Variants in USP3 observed in about 807,000 individuals in gnomAD.
USP3 encodes the protein ubiquitin specific peptidase 3.
Under a neutral mutation model 72.3 loss-of-function variants are expected in USP3, and 20 were observed. That is an observed-to-expected ratio of 0.28 (90% confidence interval 0.19 to 0.40). USP3 has a LOEUF of 0.40. Ranked by LOEUF, USP3 falls within the 10% of genes least tolerant of loss-of-function variation. The probability of loss-of-function intolerance (pLI) is 1.00; values close to 1 mark genes in which losing one functional copy is unlikely to be tolerated. For missense variants in USP3, 479 were observed against 633.9 expected (o/e 0.76, Z 2.62); for synonymous variants, 222 against 225.3 (o/e 0.99, Z 0.13).
chr15:63,528,743 A>T lies in USP3; in HGVS notation c.92-3904A>T, dbSNP rs760491969. ...ATAAATTGAAACTACCTTTTATAATAAGATAGTCCCCCTAAAGGTGATTAA... is the reference window on the plus strand; with the variant it reads ...ATAAATTGAAACTACCTTTTATAATTAGATAGTCCCCCTAAAGGTGATTAA... On this transcript the variant is annotated intron_variant, in intron 1 of 14. Transcript: ENST00000380324. This position sits in a 1 kb window ranked among gnomAD's most constrained non-coding sequence, Gnocchi z 4.3. 6.6e-5 allele frequency among the ~76,000 whole-genome samples: 10 copies of T among 152,202 alleles called. No homozygotes were observed. Among genetic ancestry groups the T allele is most frequent in the Non-Finnish European group, 1.0e-4 (7 of 68,030 alleles).
Position 63,574,239 on chromosome 15 carries a change from T to C in USP3, c.1016-84T>C. 1 of 1,421,430 alleles carries C rather than the reference T, an allele frequency of 7.0e-7. No individual in the cohort carries two copies. Among genetic ancestry groups the C allele is most frequent in the Non-Finnish European group, 9.4e-7 (1 of 1,064,600 alleles). 88.1% of individuals were successfully genotyped at this position (1,421,430 alleles called of 1,614,324 possible). ...CAAAAAATAAGTGTAAAGAGAAATC[T>C]AGAAATACATCAGTTTGTGAAATTA... On this transcript the variant is annotated intron_variant, in intron 10 of 14. Transcript: ENST00000380324. This position sits in a 1 kb window ranked among gnomAD's most constrained non-coding sequence, Gnocchi z 4.6.
At chr15:63,569,294 AAAT>A (rs1287888012) in intron 8 of USP3, among the ~76,000 whole-genome samples, 6 of 152,230 alleles carry the variant, frequency 3.9e-5, no homozygotes, top group Non-Finnish European at 8.8e-5. Flanking sequence ...GCCTTAGAAG[AAAT>A]ACTTGAACAC....
intron 4 of USP3, 185 bp from the exon 5 acceptor site, chr15:63,556,482 G>T: frequency 2.2e-6 from 1 of 461,368 alleles, no homozygotes. Flanking sequence ...GGAGCAATGG[G>T]GATTTCCAAG....
chr15:63,516,339 T>C (rs1457009186), intron 1 of USP3, among the ~76,000 whole-genome samples: 1 of 152,246 alleles, frequency 6.6e-6, no homozygotes, highest in Non-Finnish European at 1.5e-5. Flanking sequence ...GGACAGTTTT[T>C]ATCGTGTGAT....
chr15:63,584,163 T>C (rs1475842884), intron 11 of USP3, among the ~76,000 whole-genome samples: 1 of 146,810 alleles, frequency 6.8e-6, no homozygotes, highest in Non-Finnish European at 1.5e-5. Context: ...AGTGGCATGA[T>C]CTCAGCTCGC....
intron 6 of USP3, among the ~76,000 whole-genome samples, chr15:63,558,883 A>G (rs2066557117): frequency 6.6e-6 from 1 of 152,132 alleles, no homozygotes; most frequent in Non-Finnish European, 1.5e-5. Context: ...TCAAAAATAA[A>G]TAAATTAATT....
In USP3 at chr15:63,592,759, CT is replaced by C. The variant is rs34923651; in HGVS notation, c.*1946del. On this transcript the variant is annotated 3_prime_UTR_variant, in exon 15 of 15. Coordinates refer to ENST00000380324, the MANE Select transcript of USP3 (RefSeq NM_006537.4). ...CCTGTTCTATTAAAAACATCTTGAC[CT>C]TTTTTTTTTTTTAAGTTTATGATAT... 42,071 of 145,830 alleles carry C rather than the reference CT, an allele frequency of 0.29. 6,515 individuals carry two copies. The highest frequency in any genetic ancestry group is 0.41 in the Middle Eastern group (117 of 286). The allele number at this position is 145,830 out of a possible 1,614,324, so 9.0% of individuals were successfully genotyped here.
chr15:63,504,711 C>G lies in USP3; in HGVS notation c.-29C>G. On this transcript the variant is annotated 5_prime_UTR_variant, in exon 1 of 15. Coordinates refer to ENST00000380324, the MANE Select transcript of USP3 (RefSeq NM_006537.4). ...CCCACCTCGCCGGGTCCTGGAGCCG[C>G]AGTCCTCCCAGCTGCCCTCCTCGTG... is the stretch of plus-strand genomic sequence containing the variant. 6.3e-7 allele frequency: 1 copy of G among 1,575,654 alleles called. No homozygotes were observed. Among genetic ancestry groups the G allele is most frequent in the Non-Finnish European group, 8.6e-7 (1 of 1,159,358 alleles).
At chr15:63,516,870 G>A (rs1458769632) in intron 1 of USP3, among the ~76,000 whole-genome samples, 1 of 150,258 alleles carries the variant, frequency 6.7e-6, no homozygotes, top group South Asian at 2.1e-4. Flanking sequence ...ACATTTTTTT[G>A]TACTATAAAT....
Position 63,588,872 on chromosome 15 carries a change from T to G in USP3, c.1329+57T>G. 2 of 1,610,070 alleles carry G rather than the reference T, an allele frequency of 1.2e-6. No individual in the cohort carries two copies. The highest frequency in any genetic ancestry group is 1.1e-5 in the South Asian group (1 of 90,966). On this transcript the variant is annotated intron_variant, in intron 13 of 14. Coordinates refer to ENST00000380324, the MANE Select transcript of USP3 (RefSeq NM_006537.4). The surrounding 1 kb of genome is among the most constrained non-coding windows in gnomAD (Gnocchi z 4.6). ...AAATGGCTCTTCAGTAAGATTGTCA[T>G]CACATGGAGAGGGTAGAGGTCATCG...
rs181592527 is a variant in USP3 at position 63,550,006 on chromosome 15, C to G, written c.285-3709C>G. On this transcript the variant is annotated intron_variant, in intron 3 of 14. Transcript: ENST00000380324. ...GATTTAGAGCATTTGTGCATATGTA[C>G]TGAACAATTTTTGGGTCTTTTTGAG... Among the ~76,000 whole-genome samples the G allele has an allele frequency of 1.4e-3, 220 of 152,274 alleles. 4 individuals are homozygous for G. The highest frequency in any genetic ancestry group is 2.5e-3 in the East Asian group (13 of 5,186).
chr15:63,539,980 C>A (rs55657486), intron 3 of USP3, among the ~76,000 whole-genome samples: 7,284 of 152,232 alleles, frequency 0.048, 193 homozygotes, highest in Middle Eastern at 0.099. Context: ...GTTGTTTCCT[C>A]GTGCCCGTTA....
At chr15:63,562,620 TTTGC>T (rs1410946315) in intron 7 of USP3, among the ~76,000 whole-genome samples, 1 of 152,200 alleles carries the variant, frequency 6.6e-6, no homozygotes, top group Non-Finnish European at 1.5e-5. Context: ...TGCTGTATGG[TTTGC>T]TTGCGTGTTT....
chr15:63,589,177 G>A (rs1452892050), intron 14 of USP3, 166 bp downstream of exon 14: 4 of 695,180 alleles, frequency 5.8e-6, no homozygotes, highest in Non-Finnish European at 9.7e-6. Context: ...AGATGATGTT[G>A]TGAAGGCTTA....
intron 11 of USP3, among the ~76,000 whole-genome samples, chr15:63,582,061 G>A (rs143114865): frequency 3.6e-4 from 55 of 152,330 alleles, no homozygotes; most frequent in African/African-American, 1.3e-3. Flanking sequence ...GTAAAAAGAG[G>A]AACATATACA....
chr15:63,544,164 T>C lies in USP3; in HGVS notation c.284+7008T>C. On this transcript the variant is annotated intron_variant, in intron 3 of 14. Coordinates refer to ENST00000380324, the MANE Select transcript of USP3 (RefSeq NM_006537.4). The surrounding 1 kb of genome is among the most constrained non-coding windows in gnomAD (Gnocchi z 4.2). ...CTTTAAAAATTATTCTTTTTTGTAA[T>C]ATATAATTTAGATTTAATTGTATAT... 1 of 146,100 alleles carries C rather than the reference T, an allele frequency of 6.8e-6. No individual in the cohort carries two copies. Among genetic ancestry groups the C allele is most frequent in the African/African-American group, 2.6e-5 (1 of 37,878 alleles). 9.1% of individuals were successfully genotyped at this position (146,100 alleles called of 1,614,324 possible).
chr15:63,514,271 A>AT (rs1282629430), intron 1 of USP3, among the ~76,000 whole-genome samples: 1 of 152,118 alleles, frequency 6.6e-6, no homozygotes, highest in African/African-American at 2.4e-5. Context: ...TATAATACAG[A>AT]TTTTTGGGAA....
intron 3 of USP3, among the ~76,000 whole-genome samples, chr15:63,546,565 A>G (rs1272118396): frequency 6.6e-6 from 1 of 152,186 alleles, no homozygotes; most frequent in Admixed American, 6.5e-5. Context: ...AAAGATTTTT[A>G]GAACTTTTAA....
At chr15:63,589,062 C>G in intron 14 of USP3, 51 bp downstream of exon 14, 1 of 1,588,540 alleles carries the variant, frequency 6.3e-7, no homozygotes, top group Non-Finnish European at 8.6e-7. Context: ...GTGGCCAGCC[C>G]AATGACCTGC....
Sources: gnomAD v4.1 joint callset for allele counts (sites outside exome capture counted in the v4.1 genomes callset) on GRCh38, gnomAD v4.1.1 for gene constraint, Gnocchi (gnomAD v3.1) non-coding constraint, MANE v1.5 for transcripts, NCBI Gene and HGNC (gene_info 2026-07-23, HGNC 2026-07-21) for gene names.